PTPRD: variants seen among roughly 807,000 people sequenced by gnomAD.
PTPRD encodes the protein protein tyrosine phosphatase receptor type D.
In PTPRD, 34 loss-of-function variants were observed where a neutral mutation model predicts 214.5. That is an observed-to-expected ratio of 0.16 (90% confidence interval 0.12 to 0.21). PTPRD has a LOEUF of 0.21. Ranked by LOEUF, PTPRD falls within the 10% of genes least tolerant of loss-of-function variation. PTPRD has a pLI of 1.00. For missense variants in PTPRD, 2,545 were observed against 2,398.7 expected, an observed-to-expected ratio of 1.06 and a Z score of -1.27; for synonymous variants, 1,128 against 845.7, an observed-to-expected ratio of 1.33 and a Z score of -5.79.
At chr9:9,892,882 T>G (rs1267506337) in intron 5 of PTPRD, among the ~76,000 whole-genome samples, 1 of 151,456 alleles carries the variant, frequency 6.6e-6, no homozygotes, top group African/African-American at 2.4e-5. Context: ...ATAAAAAGAG[T>G]CAAGGATGAC....
chr9:9,461,881 T>A (rs10977780), intron 8 of PTPRD, among the ~76,000 whole-genome samples: 21,423 of 152,120 alleles, frequency 0.14, 1,601 homozygotes, highest in Middle Eastern at 0.23. Flanking sequence ...ATCCTTCAGG[T>A]CTCAATTTAA....
At chr9:9,681,437 T>G (rs1454642049) in intron 7 of PTPRD, among the ~76,000 whole-genome samples, 1 of 151,678 alleles carries the variant, frequency 6.6e-6, no homozygotes, top group Non-Finnish European at 1.5e-5. Flanking sequence ...GAGTAAATAT[T>G]GGCCCCAAGC....
chr9:9,743,380 A>G (rs1265301539), intron 6 of PTPRD, among the ~76,000 whole-genome samples: 1 of 152,124 alleles, frequency 6.6e-6, no homozygotes, highest in Non-Finnish European at 1.5e-5. Context: ...GTTTTCTTAT[A>G]TATAAACAGA....
At chr9:9,106,199 G>A (rs1214995448) in intron 10 of PTPRD, among the ~76,000 whole-genome samples, 1 of 151,878 alleles carries the variant, frequency 6.6e-6, no homozygotes, top group Non-Finnish European at 1.5e-5. Context: ...TTTAATCTAT[G>A]TTGAATCCTA....
chr9:9,295,025 GTTAAA>G (rs1295810516), intron 9 of PTPRD, among the ~76,000 whole-genome samples: 1 of 151,682 alleles, frequency 6.6e-6, no homozygotes, highest in Non-Finnish European at 1.5e-5. Flanking sequence ...ACATGTATTA[GTTAAA>G]TTAAATTTGA....
chr9:8,320,802 A>T (rs1279777491), intron 44 of PTPRD, among the ~76,000 whole-genome samples: 2 of 152,144 alleles, frequency 1.3e-5, no homozygotes, highest in Non-Finnish European at 2.9e-5. Flanking sequence ...CGGTAGCAAG[A>T]AAGAAAATTA....
intron 3 of PTPRD, among the ~76,000 whole-genome samples, chr9:10,067,750 T>C (rs2097911634): frequency 6.6e-6 from 1 of 151,990 alleles, no homozygotes; most frequent in Non-Finnish European, 1.5e-5. Context: ...TTTTCCATTA[T>C]TCATTACTCA....
intron 9 of PTPRD, among the ~76,000 whole-genome samples, chr9:9,326,343 AT>A (rs1310758425): frequency 6.6e-6 from 1 of 152,062 alleles, no homozygotes; most frequent in Admixed American, 6.6e-5. Context: ...ATTGAGAGAA[AT>A]TTTTTTCAAG....
At chr9:9,973,960 A>C (rs1438473665) in intron 4 of PTPRD, among the ~76,000 whole-genome samples, 1 of 152,212 alleles carries the variant, frequency 6.6e-6, no homozygotes, top group East Asian at 1.9e-4. Context: ...TATTTTTAAA[A>C]GAGGGAGAAA....
chr9:8,552,717 GA>G (rs927446870), intron 14 of PTPRD, among the ~76,000 whole-genome samples: 2 of 152,156 alleles, frequency 1.3e-5, no homozygotes, highest in African/African-American at 4.8e-5. Context: ...GCAACCCCAA[GA>G]ATACCTACTC....
intron 7 of PTPRD, among the ~76,000 whole-genome samples, chr9:9,732,813 G>A (rs1276592554): frequency 6.6e-6 from 1 of 151,940 alleles, no homozygotes; most frequent in South Asian, 2.1e-4. Context: ...GCCAGGGACC[G>A]TGGTGTGGCT....
intron 12 of PTPRD, among the ~76,000 whole-genome samples, chr9:8,708,382 T>C (rs779709831): frequency 6.6e-5 from 10 of 151,634 alleles, no homozygotes; most frequent in Admixed American, 6.6e-5. Context: ...ATATGAAAAA[T>C]GAAGCTACAG....
In PTPRD at chr9:9,984,747, G is replaced by T. The variant is rs116655791; in HGVS notation, c.-471-46137C>A. On this transcript the variant is annotated intron_variant, in intron 4 of 45. Transcript: ENST00000381196. ...TGAAGACCTTGGGACACAAACCTGG[G>T]GCAGCAGAGAGAATTAGGGTGCTGC... is the stretch of plus-strand genomic sequence containing the variant. Among the ~76,000 whole-genome samples, 1,205 of 152,132 alleles carry T rather than the reference G, an allele frequency of 7.9e-3. 11 individuals carry two copies. The highest frequency in any genetic ancestry group is 0.027 in the African/African-American group (1,114 of 41,496).
chr9:8,981,135 GTTAT>G (rs2099310694), intron 11 of PTPRD, among the ~76,000 whole-genome samples: 2 of 151,960 alleles, frequency 1.3e-5, no homozygotes, highest in South Asian at 2.1e-4. Context: ...TAATATTGGG[GTTAT>G]TTGTCACCAA....
chr9:9,167,587 C>T (rs1224446526), intron 10 of PTPRD, among the ~76,000 whole-genome samples: 1 of 151,456 alleles, frequency 6.6e-6, no homozygotes, highest in Non-Finnish European at 1.5e-5. Flanking sequence ...AAACTCTGTC[C>T]CTACTAAAAA....
chr9:8,878,898 C>G (rs2098418350), intron 11 of PTPRD, among the ~76,000 whole-genome samples: 1 of 152,166 alleles, frequency 6.6e-6, no homozygotes. Context: ...AAAGAATGGC[C>G]ATAGCTATAC....
At chr9:8,734,630 A>C (rs1276474701) in intron 11 of PTPRD, among the ~76,000 whole-genome samples, 1 of 152,244 alleles carries the variant, frequency 6.6e-6, no homozygotes, top group Non-Finnish European at 1.5e-5. Context: ...CTGTAAAATC[A>C]AAAAGCCACA....
At chr9:8,418,166 T>C (rs986739058) in intron 35 of PTPRD, among the ~76,000 whole-genome samples, 4 of 152,166 alleles carry the variant, frequency 2.6e-5, no homozygotes, top group Admixed American at 2.0e-4. Context: ...GAGGTTCTCA[T>C]TTCTGACTTT....
At chr9:9,625,697 A>G (rs906109841) in intron 7 of PTPRD, among the ~76,000 whole-genome samples, 2 of 152,118 alleles carry the variant, frequency 1.3e-5, no homozygotes, top group South Asian at 2.1e-4. Flanking sequence ...TGCAGATGGT[A>G]TGGGTCGCAG....
Sources: allele counts gnomAD v4.1 joint callset (sites outside exome capture counted in the v4.1 genomes callset), GRCh38; gene constraint gnomAD v4.1.1; transcripts MANE v1.5; gene names NCBI Gene and HGNC (gene_info 2026-07-23, HGNC 2026-07-21).